DLGAP2: variants seen among roughly 807,000 people sequenced by gnomAD.
DLGAP2 encodes the protein DLG associated protein 2, also known as disks large-associated protein 2.
In DLGAP2, 26 loss-of-function variants were observed where a neutral mutation model predicts 100.3. The observed-to-expected ratio is 0.26, with a 90% CI of 0.19 to 0.36. The LOEUF (loss-of-function observed/expected upper bound fraction) is 0.36, where lower values mean the gene tolerates loss of function less well. Ranked by LOEUF, DLGAP2 falls within the 10% of genes least tolerant of loss-of-function variation. The pLI, the probability that DLGAP2 is intolerant of heterozygous loss-of-function variation, is 1.00. For missense variants in DLGAP2, 1,858 were observed against 1,453.2 expected, an observed-to-expected ratio of 1.28 and a Z score of -4.53; for synonymous variants, 886 against 630.1, an observed-to-expected ratio of 1.41 and a Z score of -6.08.
At chr8:1,517,038 C>T (rs535071309) in intron 4 of DLGAP2, among the ~76,000 whole-genome samples, 6 of 152,246 alleles carry the variant, frequency 3.9e-5, no homozygotes, top group South Asian at 2.1e-4. Flanking sequence ...CTCACCTCCG[C>T]GGTCACCAGG....
intron 2 of DLGAP2, among the ~76,000 whole-genome samples, chr8:1,254,985 T>TGTGTGTGTCCTCTCCTGCCCGGGCGCTGA (rs1799148724): frequency 1.6e-5 from 2 of 127,498 alleles, no homozygotes; most frequent in Admixed American, 7.7e-5. Flanking sequence ...CCGGGTGCTG[T>TGTGTGTGTCCTCTCCTGCCCGGGCGCTGA]GTGTGTGTCC....
intron 1 of DLGAP2, among the ~76,000 whole-genome samples, chr8:847,194 T>G (rs1003096476): frequency 3.3e-5 from 5 of 152,230 alleles, no homozygotes; most frequent in Admixed American, 3.3e-4. Flanking sequence ...TGCTGCTTCT[T>G]GACACAATTC....
chr8:1,493,294 G>A (rs1799447400), intron 3 of DLGAP2, among the ~76,000 whole-genome samples: 1 of 152,094 alleles, frequency 6.6e-6, no homozygotes, highest in Admixed American at 6.5e-5. Flanking sequence ...TGGACGGAGG[G>A]CACAGACGGC....
In DLGAP2 at chr8:878,841, A is replaced by C. The variant is rs572463816; in HGVS notation, c.19-29071A>C. ...TGAGACAGCACAAGGCTCCCACCAG[A>C]AGCCATGGGCACCATGCTCTTGGAC... is the stretch of plus-strand genomic sequence containing the variant. On this transcript the variant is annotated intron_variant, in intron 1 of 14. Coordinates refer to ENST00000637795, the MANE Select transcript of DLGAP2 (RefSeq NM_001346810.2). Among the ~76,000 whole-genome samples, 24 of 152,338 alleles carry C rather than the reference A, an allele frequency of 1.6e-4. No individual in the cohort carries two copies. The South Asian group carries it at 4.8e-3, about 30-fold the overall frequency.
At chr8:1,275,486 T>G (rs771206326) in intron 3 of DLGAP2, among the ~76,000 whole-genome samples, 1 of 151,856 alleles carries the variant, frequency 6.6e-6, no homozygotes, top group Non-Finnish European at 1.5e-5. Flanking sequence ...CATTCTCCAG[T>G]CAGACATCAG....
At chr8:1,608,895 A>C (rs1394867281) in intron 6 of DLGAP2, among the ~76,000 whole-genome samples, 2 of 151,974 alleles carry the variant, frequency 1.3e-5, no homozygotes, top group African/African-American at 4.8e-5. Flanking sequence ...CTATGTGAAA[A>C]GACCAAATCT....
intron 2 of DLGAP2, among the ~76,000 whole-genome samples, chr8:977,667 T>A (rs1289661936): frequency 6.6e-6 from 1 of 152,200 alleles, no homozygotes; most frequent in African/African-American, 2.4e-5. Context: ...AATTAGAACA[T>A]TTTCCCTGTT....
intron 2 of DLGAP2, among the ~76,000 whole-genome samples, chr8:1,096,822 G>A (rs371032621): frequency 9.2e-5 from 11 of 119,626 alleles, no homozygotes; most frequent in South Asian, 6.0e-4. Flanking sequence ...AGCTCCCTGC[G>A]CTCAGTAGAG....
chr8:1,516,380 T>G (rs1279343021), intron 4 of DLGAP2, among the ~76,000 whole-genome samples: 1 of 150,934 alleles, frequency 6.6e-6, no homozygotes, highest in Non-Finnish European at 1.5e-5. Flanking sequence ...AGTGAGTGAG[T>G]GACTGAGTGA....
At chr8:1,380,962 A>AC (rs1796080722) in intron 3 of DLGAP2, 1 of 139,228 alleles carries the variant, frequency 7.2e-6, no homozygotes, top group Non-Finnish European at 1.6e-5. Flanking sequence ...AAAAAAAAAC[A>AC]CCCAAAAGGC....
intron 2 of DLGAP2, among the ~76,000 whole-genome samples, chr8:1,136,775 G>C (rs1796423408): frequency 2.0e-5 from 3 of 152,242 alleles, no homozygotes; most frequent in Non-Finnish European, 2.9e-5. Context: ...AGCACACGGG[G>C]CGTGTTGGTG....
chr8:1,632,227 C>G (rs965670981), intron 7 of DLGAP2, among the ~76,000 whole-genome samples: 9 of 152,136 alleles, frequency 5.9e-5, no homozygotes, highest in African/African-American at 2.2e-4. Flanking sequence ...ACGAAAACAC[C>G]AGTACAGCCA....
At position 1,415,502 on chromosome 8, in the gene DLGAP2, C is replaced by T. The variant is rs144834694; in HGVS notation, c.107-85864C>T. Among the ~76,000 whole-genome samples the T allele has an allele frequency of 1.0e-3, 158 of 152,246 alleles. 2 individuals are homozygous for T. The highest frequency in any genetic ancestry group is 3.6e-3 in the African/African-American group (148 of 41,544). The stretch of plus-strand genomic sequence containing the variant: ...TAGTAGCCCTGGTGTCTGCTGTTCG[C>T]ACCTTTATGTCCACGTGTGCCCTAT... On this transcript the variant is annotated intron_variant, in intron 3 of 14. Transcript: ENST00000637795.
chr8:1,358,666 C>A (rs893788367), intron 3 of DLGAP2, among the ~76,000 whole-genome samples: 1 of 152,280 alleles, frequency 6.6e-6, no homozygotes, highest in African/African-American at 2.4e-5. Flanking sequence ...AAGAAGGCTT[C>A]TGATGGGCAA....
intron 3 of DLGAP2, among the ~76,000 whole-genome samples, chr8:1,276,969 T>G (rs1199417325): frequency 1.3e-5 from 2 of 152,202 alleles, no homozygotes; most frequent in African/African-American, 4.8e-5. Context: ...TAAATATCAT[T>G]TTTAGTGGTT....
In DLGAP2 at chr8:1,129,362, C is replaced by T. The variant is rs552891434; in HGVS notation, c.74-129489C>T. On this transcript the variant is annotated intron_variant, in intron 2 of 14. Transcript: ENST00000637795. ...AGGTTGTAGCCAGCTGAGATTGCGC[C>T]ACTGCACTCCAGCCGGGAGACAGAG... 5.6e-4 allele frequency among the ~76,000 whole-genome samples: 84 copies of T among 149,852 alleles called. 1 individual carries two copies. In the South Asian group the frequency reaches 1.0e-2, roughly 18 times the overall value.
rs144221848 is a variant in DLGAP2, at chr8:889,853, A to C, written c.19-18059A>C. On this transcript the variant is annotated intron_variant, in intron 1 of 14. Transcript: ENST00000637795. ...CATCAGAGAGGCTGTAAGAATCTTC[A>C]CGTTCCGGGGCTGGAACTGTAGGCC... 7.8e-4 allele frequency among the ~76,000 whole-genome samples: 119 copies of C among 152,360 alleles called. 1 individual carries two copies. Among genetic ancestry groups the C allele is most frequent in the African/African-American group, 2.8e-3 (116 of 41,590 alleles).
intron 2 of DLGAP2, among the ~76,000 whole-genome samples, chr8:1,074,073 G>T (rs1360073651): frequency 2.9e-5 from 4 of 136,630 alleles, no homozygotes; most frequent in Non-Finnish European, 6.1e-5. Context: ...GTTTGCAGCA[G>T]ACTGAGGCTG....
intron 6 of DLGAP2, among the ~76,000 whole-genome samples, chr8:1,593,800 G>A (rs940473141): frequency 3.3e-5 from 5 of 152,158 alleles, no homozygotes; most frequent in East Asian, 3.9e-4. Flanking sequence ...GGTAGATGCC[G>A]TAGATCCTCT....
Sources: gnomAD v4.1 joint callset for allele counts (sites outside exome capture counted in the v4.1 genomes callset) on GRCh38, gnomAD v4.1.1 for gene constraint, MANE v1.5 for transcripts, NCBI Gene and HGNC (gene_info 2026-07-23, HGNC 2026-07-21) for gene names.